LCN12: variants seen among roughly 807,000 people sequenced by gnomAD.
The protein encoded by LCN12 is epididymal-specific lipocalin-12.
Under a neutral mutation model 23.7 loss-of-function variants are expected in LCN12, and 15 were observed. The observed-to-expected ratio is 0.63, with a 90% CI of 0.42 to 0.97. The LOEUF (loss-of-function observed/expected upper bound fraction) is 0.97, where lower values mean the gene tolerates loss of function less well. LCN12 is among the 50% of genes least tolerant of loss of function. LCN12 has a pLI of 0.00. For synonymous variants in LCN12, 116 were observed against 111.5 expected, an observed-to-expected ratio of 1.04 and a Z score of -0.25; for missense variants, 219 against 249.6, an observed-to-expected ratio of 0.88 and a Z score of 0.83.
At chr9:136,953,993 T>C (rs1281764634) in intron 4 of LCN12, 29 bp downstream of exon 4, 1 of 1,599,892 alleles carries the variant, frequency 6.3e-7, no homozygotes, top group South Asian at 1.1e-5. Flanking sequence ...CCTGGGCCCG[T>C]GTGTGGCCCT....
In LCN12 at chr9:136,953,898, C is replaced by G; in HGVS notation, c.382C>G (p.Gln128Glu). The G allele has an allele frequency of 6.2e-7, 1 of 1,610,934 alleles. No individual in the cohort carries two copies. The highest frequency in any genetic ancestry group is 8.5e-7 in the Non-Finnish European group (1 of 1,179,264). The change falls in exon 4 of 6, where the codon CAG becomes GAG. Residue 128 changes from glutamine (Q) to glutamate (E), a missense_variant. Coordinates refer to ENST00000371633, the MANE Select transcript of LCN12 (RefSeq NM_178536.4). ...ETRVVDSDYT[Q>E]FALMLSRRHT... ...CCGGGTGGTGGACAGCGACTACACCCAGTTCGCCCTGATGCTGTCCCGCAG... is the reference window on the plus strand; with the variant it reads ...CCGGGTGGTGGACAGCGACTACACCGAGTTCGCCCTGATGCTGTCCCGCAG...
In LCN12 at chr9:136,953,914, T is replaced by C. The variant is rs1262707174; in HGVS notation, c.398T>C (p.Leu133Pro). 6.2e-7 allele frequency: 1 copy of C among 1,611,774 alleles called. No individual in the cohort carries two copies. The highest frequency in any genetic ancestry group is 8.5e-7 in the Non-Finnish European group (1 of 1,179,766). ...GACTACACCCAGTTCGCCCTGATGC[T>C]GTCCCGCAGACACACGAGCAGGCTG... ...DSDYTQFALM[L>P]SRRHTSRLAV... Residue 133 changes from leucine (L) to proline (P), a missense_variant, in exon 4 of 6, where the codon CTG becomes CCG. Transcript: ENST00000371633.
rs115310708 is a variant in LCN12 at position 136,955,395 on chromosome 9, G to C, written c.575G>C (p.Cys192Ser). Reference sequence around the variant, plus strand: ...GGCTGGTCACCCCAGGCCAGCGTCTGTTGAAGGATGAAGCAGCTCCTGTCC... The same window carrying C: ...GGCTGGTCACCCCAGGCCAGCGTCTCTTGAAGGATGAAGCAGCTCCTGTCC... ...VTGWSPQASVC is the reference protein window; with the variant it reads ...VTGWSPQASVS Residue 192 changes from cysteine to serine, a missense_variant, in exon 6 of 6, where the codon TGT (cysteine) becomes TCT (serine). Transcript: ENST00000371633. 1.1e-3 allele frequency: 1,799 copies of C among 1,613,200 alleles called. 18 individuals are homozygous for C. In the African/African-American group the frequency reaches 0.018, roughly 16 times the overall value.
chr9:136,955,828 C>T (rs568352861), downstream of LCN12, among the ~76,000 whole-genome samples: 16 of 152,322 alleles, frequency 1.1e-4, no homozygotes, highest in South Asian at 6.2e-4. Flanking sequence ...CAGATGCAGC[C>T]GGGCTGGAGC....
chr9:136,954,303 G>T (rs753401637), intron 5 of LCN12, 48 bp downstream of exon 5: 56 of 1,540,992 alleles, frequency 3.6e-5, no homozygotes, highest in Middle Eastern at 1.7e-4. Flanking sequence ...CACGGGGCCC[G>T]CAGGAATGAG....
chr9:136,955,459 C>T lies in LCN12; in HGVS notation c.*60C>T. 1 of 1,522,180 alleles carries T rather than the reference C, an allele frequency of 6.6e-7. No individual in the cohort carries two copies. The highest frequency in any genetic ancestry group is 1.1e-5 in the South Asian group (1 of 88,782). 94.3% of individuals were successfully genotyped at this position (1,522,180 alleles called of 1,614,324 possible). On this transcript the variant is annotated 3_prime_UTR_variant, in exon 6 of 6. Transcript: ENST00000371633. The stretch of plus-strand genomic sequence containing the variant: ...CTCACAGCTGTGCGAGCTCTGCCCT[C>T]CTCAGCTCTCAAACCTGAATAAATG...
upstream of LCN12, chr9:136,952,272 C>A: frequency 1.5e-6 from 2 of 1,294,280 alleles, no homozygotes; most frequent in Non-Finnish European, 2.2e-6. Flanking sequence ...GTCTCTGGGT[C>A]ACCTGCCCAT....
At chr9:136,952,866 G>T in intron 1 of LCN12, 26 bp from the exon 2 acceptor site, 1 of 1,021,272 alleles carries the variant, frequency 9.8e-7, no homozygotes. Flanking sequence ...GCCCACCGCC[G>T]CCCCTGCCCA....
chr9:136,953,619 C>A, intron 2 of LCN12, 81 bp from the exon 3 acceptor site: 2 of 1,065,482 alleles, frequency 1.9e-6, no homozygotes, highest in Non-Finnish European at 2.7e-6. Context: ...GAATAAGTGG[C>A]TGAAATCTCC....
chr9:136,951,729 A>G (rs1439568910), upstream of LCN12, among the ~76,000 whole-genome samples: 2 of 151,876 alleles, frequency 1.3e-5, no homozygotes, highest in Non-Finnish European at 2.9e-5. Flanking sequence ...TGCTCGGGCC[A>G]CCTCCACCCC....
upstream of LCN12, chr9:136,949,807 CGGTGGGCTGG>C (rs1851105453): frequency 6.6e-6 from 1 of 152,280 alleles, no homozygotes; most frequent in East Asian, 1.9e-4. Context: ...CCGGTCCCCA[CGGTGGGCTGG>C]GGGTCCAGGG....
rs138414101 is a variant in LCN12 at position 136,954,224 on chromosome 9, G to C, written c.519G>C (p.Ser173=). ...GCCTGGGCAGAGCTCAGGGCCTCTC[G>C]GATGACAACATCGTCTTCCCAGATG... ...FICLGRAQGL[S]DDNIVFPDVT... The change falls in exon 5 of 6, where the codon TCG becomes TCC. Residue 173 remains serine, a synonymous_variant. Coordinates refer to ENST00000371633, the MANE Select transcript of LCN12 (RefSeq NM_178536.4). 3 of 1,578,102 alleles carry C rather than the reference G, an allele frequency of 1.9e-6. No homozygotes were observed. The South Asian group carries it at 3.5e-5, about 18-fold the overall frequency.
chr9:136,952,686 G>T, intron 1 of LCN12: 1 of 649,022 alleles, frequency 1.5e-6, no homozygotes, highest in Non-Finnish European at 2.6e-6. Flanking sequence ...GCTCGGGAAG[G>T]CCGCACAGCC....
At position 136,953,832 on chromosome 9, in the gene LCN12, G is replaced by A. The variant is rs1277036788; in HGVS notation, c.332-16G>A. 11 of 1,597,676 alleles carry A rather than the reference G, an allele frequency of 6.9e-6. No homozygotes were observed. Among genetic ancestry groups the A allele is most frequent in the Admixed American group, 3.5e-5 (2 of 57,182 alleles). ...GGGTGCTGGCCCACAGGGATGTGAC[G>A]TCTGTGCCGCCTCAGAGCCCGGGGC... On this transcript the variant is annotated splice_polypyrimidine_tract_variant and intron_variant, in intron 3 of 5. Coordinates refer to ENST00000371633, the MANE Select transcript of LCN12 (RefSeq NM_178536.4).
In LCN12 at chr9:136,952,918, C is replaced by T. The variant is rs1042985347; in HGVS notation, c.141C>T (p.Gly47=). Residue 47 remains glycine (G), a synonymous_variant, in exon 2 of 6, where the codon GGC becomes GGT. Transcript: ENST00000371633. ...TCCAGGGGGAATGGTTCGTCCTGGG[C>T]CTGGCGGGCAACAGCTTCAGGCCGG... ...NQFQGEWFVL[G]LAGNSFRPEH... The T allele has an allele frequency of 1.3e-6, 2 of 1,543,842 alleles. No individual in the cohort carries two copies. Among genetic ancestry groups the T allele is most frequent in the East Asian group, 5.2e-5 (2 of 38,666 alleles).
At chr9:136,955,058 G>A in intron 5 of LCN12, 2 of 1,399,500 alleles carry the variant, frequency 1.4e-6, no homozygotes, top group South Asian at 1.5e-5. Flanking sequence ...GCACACACCT[G>A]CACACACCTG....
intron 5 of LCN12, 98 bp downstream of exon 5, chr9:136,954,353 A>C (rs768442570): frequency 2.2e-6 from 3 of 1,348,582 alleles, no homozygotes; most frequent in Admixed American, 2.0e-5. Flanking sequence ...GTGTCTACCC[A>C]GGGAGCTCAG....
In LCN12 at chr9:136,954,241, T is replaced by A. The variant is rs1357586465; in HGVS notation, c.536T>A (p.Phe179Tyr). ...GGCCTCTCGGATGACAACATCGTCT[T>A]CCCAGATGTGACTGGTAACATGGTT... Reference protein sequence around the residue: ...AQGLSDDNIVFPDVTGWSPQA... With the variant: ...AQGLSDDNIVYPDVTGWSPQA... The change falls in exon 5 of 6, where the codon TTC becomes TAC. Residue 179 changes from phenylalanine to tyrosine, a missense_variant. Coordinates refer to ENST00000371633, the MANE Select transcript of LCN12 (RefSeq NM_178536.4). 2 of 1,569,936 alleles carry A rather than the reference T, an allele frequency of 1.3e-6. No homozygotes were observed. Among genetic ancestry groups the A allele is most frequent in the Non-Finnish European group, 1.7e-6 (2 of 1,156,876 alleles).
intron 5 of LCN12, chr9:136,954,931 C>T (rs898721717): frequency 2.4e-6 from 3 of 1,243,162 alleles, no homozygotes; most frequent in Non-Finnish European, 3.1e-6. Context: ...CACACTCACG[C>T]ATGAGCAAAC....
Sources: gnomAD v4.1 joint callset for allele counts (sites outside exome capture counted in the v4.1 genomes callset) on GRCh38, gnomAD v4.1.1 for gene constraint, MANE v1.5 for transcripts, NCBI Gene and HGNC (gene_info 2026-07-23, HGNC 2026-07-21) for gene names.